The following ZNF536 variants were observed in gnomAD, a reference collection of about 807,000 sequenced individuals.
The protein encoded by ZNF536 is zinc finger protein 536.
ZNF536 carries 13 observed loss-of-function variants against 84.5 expected under a neutral mutation model. The observed-to-expected ratio is 0.15, with a 90% CI of 0.10 to 0.24. The LOEUF is 0.24. Among genes scored for constraint, ZNF536 ranks in the 10% least tolerant of loss-of-function variants. The probability of loss-of-function intolerance (pLI) is 1.00; values close to 1 mark genes in which losing one functional copy is unlikely to be tolerated. For synonymous variants in ZNF536, 811 were observed against 742.5 expected (o/e 1.09, Z -1.50); for missense variants, 1,536 against 1,747.5 (o/e 0.88, Z 2.16).
chr19:30,237,283 T>G lies in ZNF536; in HGVS notation c.-190+8610T>G, dbSNP rs540295571. Among the ~76,000 whole-genome samples the G allele has an allele frequency of 7.2e-5, 11 of 152,316 alleles. No individual in the cohort carries two copies. In the East Asian group the frequency reaches 2.1e-3, roughly 29 times the overall value. On this transcript the variant is annotated intron_variant, in intron 1 of 5. Transcript: ENST00000585628. ...TGAAGAATGAGTGGTTTCCAGCTGC[T>G]TCCTTCCCCGGGACAGACTTTCGCA...
chr19:30,603,707 G>A (rs1422620647), intron 1 of ZNF536, among the ~76,000 whole-genome samples: 3 of 152,170 alleles, frequency 2.0e-5, no homozygotes, highest in Non-Finnish European at 2.9e-5. Context: ...ATAAAACAAT[G>A]TGGTACACAG....
intron 1 of ZNF536, among the ~76,000 whole-genome samples, chr19:30,407,934 G>A (rs2050329542): frequency 6.6e-6 from 1 of 152,136 alleles, no homozygotes. Flanking sequence ...GGCTCACAGA[G>A]GATGACTGGG....
exon 2 of ZNF536, chr19:30,712,486 G>A (rs1342378620): frequency 6.6e-6 from 1 of 150,422 alleles, no homozygotes; most frequent in African/African-American, 2.4e-5. Flanking sequence ...TTAAACCCCA[G>A]GGCCTTAAAA....
At chr19:30,497,192 G>C (rs534875137) in intron 2 of ZNF536, among the ~76,000 whole-genome samples, 4 of 152,120 alleles carry the variant, frequency 2.6e-5, no homozygotes, top group African/African-American at 4.8e-5. Context: ...TAAGGGCCCC[G>C]TGAGCGGCTT....
rs1213295286 is a variant in ZNF536 at position 30,344,689 on chromosome 19, G to A, written c.-119-7679G>A. Among the ~76,000 whole-genome samples the A allele has an allele frequency of 2.6e-5, 4 of 151,594 alleles. No individual in the cohort carries two copies. In the South Asian group the frequency reaches 8.3e-4, roughly 32 times the overall value. ...AGCAGGCAGGCCATTTTTTTTTAAA[G>A]GCTGGGCCCATGGTGGCCTCGGGGA... On this transcript the variant is annotated intron_variant, in intron 2 of 5. Coordinates refer to the ZNF536 transcript ENST00000585628.
rs1403848564 is a variant in ZNF536 at position 30,616,028 on chromosome 19, T to G, written c.169+66514T>G. 2.0e-5 allele frequency among the ~76,000 whole-genome samples: 3 copies of G among 152,270 alleles called. No individual in the cohort carries two copies. The East Asian group carries it at 5.8e-4, about 29-fold the overall frequency. ...ACCACTGATTCTTGTATATTCATTTTATAACCAGCCACCTTGTTAAATTTT... is the reference window on the plus strand; with the variant it reads ...ACCACTGATTCTTGTATATTCATTTGATAACCAGCCACCTTGTTAAATTTT... On this transcript the variant is annotated intron_variant, in intron 1 of 1. Transcript: ENST00000592773.
chr19:30,666,953 G>A (rs547720093), intron 1 of ZNF536, among the ~76,000 whole-genome samples: 2 of 152,094 alleles, frequency 1.3e-5, no homozygotes, highest in Non-Finnish European at 2.9e-5. Flanking sequence ...AGAAGTTGTG[G>A]TAACCCTGGG....
At chr19:30,274,375 A>G (rs1466367761) in intron 1 of ZNF536, among the ~76,000 whole-genome samples, 1 of 152,268 alleles carries the variant, frequency 6.6e-6, no homozygotes, top group African/African-American at 2.4e-5. Context: ...TAATAGCCAC[A>G]TTATATTTTG....
rs75799191 is a variant in ZNF536, at chr19:30,401,019, A to G, written c.-3+28463A>G. 8.9e-3 allele frequency among the ~76,000 whole-genome samples: 1,353 copies of G among 152,026 alleles called. 29 individuals carry two copies. Among genetic ancestry groups the G allele is most frequent in the African/African-American group, 0.03 (1,263 of 41,444 alleles). ...TGCTTTATATTTACATTTGTAATCC[A>G]TGTTTTGTGTAAGATATGAGATTTA... On this transcript the variant is annotated intron_variant, in intron 1 of 4. Coordinates refer to ENST00000355537, the MANE Select transcript of ZNF536 (RefSeq NM_014717.3).
chr19:30,253,685 C>A (rs186967407), intron 1 of ZNF536, among the ~76,000 whole-genome samples: 1 of 152,068 alleles, frequency 6.6e-6, no homozygotes, highest in Non-Finnish European at 1.5e-5. Context: ...GGCGGGTGGA[C>A]GGGAGGAGTC....
intron 1 of ZNF536, among the ~76,000 whole-genome samples, chr19:30,427,652 A>T (rs1217954202): frequency 6.6e-6 from 1 of 152,160 alleles, no homozygotes; most frequent in Non-Finnish European, 1.5e-5. Flanking sequence ...GTCTTCTAGC[A>T]TGAGGCCCTT....
In ZNF536 at chr19:30,641,710, A is replaced by G. The variant is rs142370627; in HGVS notation, c.170-69047A>G. The stretch of plus-strand genomic sequence containing the variant: ...TGCATCAAAGCAATGAAATATTTAT[A>G]TCCTTTTTCACTTAATTTTAAACCT... On this transcript the variant is annotated intron_variant, in intron 1 of 1. Coordinates refer to the ZNF536 transcript ENST00000592773. Among the ~76,000 whole-genome samples, 19 of 152,324 alleles carry G rather than the reference A, an allele frequency of 1.2e-4. No homozygotes were observed. In the East Asian group the frequency reaches 3.3e-3, roughly 26 times the overall value.
chr19:30,358,093 T>C (rs1273472031), intron 3 of ZNF536, among the ~76,000 whole-genome samples: 2 of 152,170 alleles, frequency 1.3e-5, no homozygotes, highest in Non-Finnish European at 2.9e-5. Context: ...AGTTTAGGCC[T>C]CTTTCCCTTG....
chr19:30,302,158 A>G (rs1276673907), intron 2 of ZNF536, among the ~76,000 whole-genome samples: 3 of 152,244 alleles, frequency 2.0e-5, no homozygotes, highest in South Asian at 2.1e-4. Context: ...AATAGGATGC[A>G]TGGAGCACTG....
At chr19:30,457,178 A>T (rs1450540279) in intron 2 of ZNF536, among the ~76,000 whole-genome samples, 3 of 152,202 alleles carry the variant, frequency 2.0e-5, no homozygotes, top group Non-Finnish European at 4.4e-5. Context: ...GGCCTGTGGG[A>T]GCACCTTGGT....
chr19:30,307,299 A>G (rs2046369728), intron 2 of ZNF536, among the ~76,000 whole-genome samples: 1 of 151,962 alleles, frequency 6.6e-6, no homozygotes. Flanking sequence ...AAGAAATGAA[A>G]AACTAGTCAC....
intron 1 of ZNF536, among the ~76,000 whole-genome samples, chr19:30,683,179 G>T (rs542591548): frequency 5.0e-4 from 76 of 152,312 alleles, no homozygotes; most frequent in African/African-American, 1.7e-3. Context: ...TGCGAGGCAG[G>T]GTTGAAAGCC....
intron 2 of ZNF536, among the ~76,000 whole-genome samples, chr19:30,290,735 A>G (rs375003418): frequency 6.6e-6 from 1 of 152,178 alleles, no homozygotes; most frequent in Non-Finnish European, 1.5e-5. Flanking sequence ...GGTTTGTTAC[A>G]TAGGTACACA....
At chr19:30,306,010 A>G (rs1187008124) in intron 2 of ZNF536, among the ~76,000 whole-genome samples, 1 of 152,194 alleles carries the variant, frequency 6.6e-6, no homozygotes, top group Non-Finnish European at 1.5e-5. Context: ...AGATTCATTT[A>G]TTATGCTGAC....
Sources: allele counts gnomAD v4.1 joint callset (sites outside exome capture counted in the v4.1 genomes callset), GRCh38; gene constraint gnomAD v4.1.1; transcripts MANE v1.5; gene names NCBI Gene and HGNC (gene_info 2026-07-23, HGNC 2026-07-21).